EFCAB6: variants seen among roughly 807,000 people sequenced by gnomAD.
The protein encoded by EFCAB6 is EF-hand calcium-binding domain-containing protein 6.
EFCAB6 carries 156 observed loss-of-function variants against 169.8 expected under a neutral mutation model. The ratio of observed to expected loss-of-function variants is 0.92; its 90% CI spans 0.81 to 1.05. EFCAB6 has a LOEUF of 1.05. Ranked by LOEUF, EFCAB6 falls within the 50% of genes least tolerant of loss-of-function variation. The probability of loss-of-function intolerance (pLI) is 0.00; values close to 1 mark genes in which losing one functional copy is unlikely to be tolerated. For synonymous variants in EFCAB6, 698 were observed against 676.4 expected (o/e 1.03, Z -0.50); for missense variants, 1,800 against 1,829.1 (o/e 0.98, Z 0.29).
chr22:43,545,872 G>A (rs1398100750), intron 27 of EFCAB6, among the ~76,000 whole-genome samples: 2 of 152,122 alleles, frequency 1.3e-5, no homozygotes, highest in Admixed American at 1.3e-4. Flanking sequence ...ATCATACTCA[G>A]TCCAGGCCCC....
At chr22:43,720,915 A>G (rs1416118646) in intron 8 of EFCAB6, among the ~76,000 whole-genome samples, 1 of 152,218 alleles carries the variant, frequency 6.6e-6, no homozygotes, top group Non-Finnish European at 1.5e-5. Context: ...GCATCCACAT[A>G]CGAAATGAAG....
At chr22:43,788,452 T>C (rs184415017) in intron 2 of EFCAB6, among the ~76,000 whole-genome samples, 1 of 152,252 alleles carries the variant, frequency 6.6e-6, no homozygotes, top group African/African-American at 2.4e-5. Flanking sequence ...AAAGAAAATA[T>C]ACAAATGACC....
rs781531325 is a variant in EFCAB6, at chr22:43,576,457, C to T, written c.3260G>A (p.Gly1087Glu). Residue 1087 changes from glycine (G) to glutamate (E), a missense_variant, in exon 26 of 32, where the codon GGA becomes GAA. Gly to Glu is a moderately conservative substitution (Grantham distance 98, BLOSUM62 -2). Coordinates refer to ENST00000262726, the MANE Select transcript of EFCAB6 (RefSeq NM_022785.4). ...AFSALDKEDT[G>E]FVKATEFGQV... ...TCCGAATTCTGTAGCCTTTACAAAT[C>T]CTGTATCCTCTTTATCCAATGCAGA... 13 of 1,576,512 alleles carry T rather than the reference C, an allele frequency of 8.2e-6. No homozygotes were observed. Among genetic ancestry groups the T allele is most frequent in the Non-Finnish European group, 1.1e-5 (13 of 1,168,904 alleles).
chr22:43,586,800 G>A (rs982000550), intron 24 of EFCAB6, among the ~76,000 whole-genome samples: 5 of 152,118 alleles, frequency 3.3e-5, no homozygotes, highest in Non-Finnish European at 7.4e-5. Flanking sequence ...GCACACTCCC[G>A]AGCCCACTGA....
chr22:43,664,643 G>A (rs1036218723), intron 17 of EFCAB6, among the ~76,000 whole-genome samples: 3 of 152,240 alleles, frequency 2.0e-5, no homozygotes, highest in Non-Finnish European at 4.4e-5. Flanking sequence ...TACCCAAGGA[G>A]CCGCGATCTT....
intron 23 of EFCAB6, among the ~76,000 whole-genome samples, chr22:43,598,575 C>T (rs181782618): frequency 3.5e-4 from 53 of 152,028 alleles, no homozygotes; most frequent in African/African-American, 1.3e-3. Context: ...TATTGAAGTA[C>T]ACAATAATTT....
At chr22:43,775,448 A>G (rs994578808) in intron 3 of EFCAB6, among the ~76,000 whole-genome samples, 4 of 151,584 alleles carry the variant, frequency 2.6e-5, no homozygotes. Context: ...GCCTGGTCCT[A>G]TTTATTTATT....
At chr22:43,643,461 G>A (rs2055938386) in intron 17 of EFCAB6, among the ~76,000 whole-genome samples, 1 of 152,244 alleles carries the variant, frequency 6.6e-6, no homozygotes, top group South Asian at 2.1e-4. Context: ...TCACGGTCAC[G>A]TGTGAGCAAT....
At chr22:43,560,942 G>A (rs961283080) in intron 26 of EFCAB6, among the ~76,000 whole-genome samples, 4 of 152,208 alleles carry the variant, frequency 2.6e-5, no homozygotes, top group Non-Finnish European at 5.9e-5. Context: ...GCCCAACTGC[G>A]TGGCGGCGTG....
chr22:43,547,454 A>G (rs1367695497), intron 27 of EFCAB6, among the ~76,000 whole-genome samples: 2 of 152,162 alleles, frequency 1.3e-5, no homozygotes, highest in Non-Finnish European at 2.9e-5. Context: ...AAAAATCTCA[A>G]TCTGGCCAGG....
chr22:43,799,960 G>A (rs546013103), intron 2 of EFCAB6, among the ~76,000 whole-genome samples: 7 of 152,230 alleles, frequency 4.6e-5, no homozygotes, highest in East Asian at 1.9e-4. Flanking sequence ...TCTTGGGTTC[G>A]CTGGCAGGAG....
At chr22:43,569,567 C>T (rs566654952) in intron 26 of EFCAB6, among the ~76,000 whole-genome samples, 3 of 152,356 alleles carry the variant, frequency 2.0e-5, no homozygotes, top group Admixed American at 1.3e-4. Context: ...TGAACCACCA[C>T]GTGATGATGC....
intron 26 of EFCAB6, among the ~76,000 whole-genome samples, chr22:43,558,833 T>A (rs964436302): frequency 6.6e-6 from 1 of 152,258 alleles, no homozygotes; most frequent in Non-Finnish European, 1.5e-5. Context: ...AACTTTTATA[T>A]GCATCAGTAA....
At chr22:43,776,750 G>A (rs1279146507) in intron 3 of EFCAB6, among the ~76,000 whole-genome samples, 1 of 152,178 alleles carries the variant, frequency 6.6e-6, no homozygotes. Context: ...GAGAGGTCAG[G>A]CCAGGGGAGG....
At chr22:43,573,037 C>T (rs2049994278) in intron 26 of EFCAB6, among the ~76,000 whole-genome samples, 1 of 152,198 alleles carries the variant, frequency 6.6e-6, no homozygotes, top group African/African-American at 2.4e-5. Flanking sequence ...CCAGGGGACC[C>T]CGGAGGTGAG....
In EFCAB6 at chr22:43,540,188, G is replaced by C. The variant is rs745483753; in HGVS notation, c.3818C>G (p.Ser1273Cys). The C allele has an allele frequency of 6.2e-6, 10 of 1,614,216 alleles. No homozygotes were observed. Among genetic ancestry groups the C allele is most frequent in the Non-Finnish European group, 8.5e-6 (10 of 1,180,048 alleles). Residue 1273 changes from serine (S) to cysteine (C), a missense_variant, in exon 28 of 32, where the codon TCT becomes TGT. Transcript: ENST00000262726. Reference sequence around the variant, plus strand: ...CTCCTGAGTGGGCAATGAGAGGGCAGATCTGGTGCCTTCCGAGACGTCAGG... The same window carrying C: ...CTCCTGAGTGGGCAATGAGAGGGCACATCTGGTGCCTTCCGAGACGTCAGG... ...SVPDVSEGTRSALSLPTQELR... is the reference protein window; with the variant it reads ...SVPDVSEGTRCALSLPTQELR...
At position 43,795,909 on chromosome 22, in the gene EFCAB6, C is replaced by CCA. The variant is rs369041379; in HGVS notation, c.-8+13084_-8+13085dup. 0.022 allele frequency among the ~76,000 whole-genome samples: 3,229 copies of CCA among 149,454 alleles called. 128 individuals are homozygous for CCA. Among genetic ancestry groups the CCA allele is most frequent in the African/African-American group, 0.075 (3,043 of 40,396 alleles). On this transcript the variant is annotated intron_variant, in intron 2 of 31. Coordinates refer to ENST00000262726, the MANE Select transcript of EFCAB6 (RefSeq NM_022785.4). The surrounding 1 kb of genome is among the most constrained non-coding windows in gnomAD (Gnocchi z 4.2). ...ACAATACACACTCACCACACATACA[C>CCA]CACACACACACACACCCCTTCATCA...
At chr22:43,624,642 T>C (rs1419518130) in intron 20 of EFCAB6, among the ~76,000 whole-genome samples, 1 of 152,220 alleles carries the variant, frequency 6.6e-6, no homozygotes, top group Non-Finnish European at 1.5e-5. Context: ...CTCCTTTTCC[T>C]GAGCAACTCA....
intron 20 of EFCAB6, among the ~76,000 whole-genome samples, chr22:43,619,675 C>T (rs529025122): frequency 1.8e-4 from 28 of 152,200 alleles, no homozygotes; most frequent in African/African-American, 5.5e-4. Context: ...TGAAAACTCA[C>T]GAACAGAAAT....
Sources: allele counts gnomAD v4.1 joint callset (sites outside exome capture counted in the v4.1 genomes callset), GRCh38; gene constraint gnomAD v4.1.1; non-coding constraint Gnocchi (gnomAD v3.1); transcripts MANE v1.5; gene names NCBI Gene and HGNC (gene_info 2026-07-23, HGNC 2026-07-21).